The following MGAT4C variants were observed in gnomAD, a reference collection of about 807,000 sequenced individuals.
MGAT4C encodes MGAT4 family member C, also known as alpha-1,3-mannosyl-glycoprotein 4-beta-N-acetylglucosaminyltransferase C.
A neutral mutation model predicts 40.1 loss-of-function variants in MGAT4C; 19 were observed. The observed-to-expected ratio is 0.47, with a 90% CI of 0.33 to 0.70. The LOEUF is 0.70. MGAT4C is among the 30% of genes least tolerant of loss of function. The probability of loss-of-function intolerance (pLI) is 0.02; values close to 1 mark genes in which losing one functional copy is unlikely to be tolerated. For synonymous variants in MGAT4C, 181 were observed against 187.1 expected (o/e 0.97, Z 0.27); for missense variants, 491 against 563.2 (o/e 0.87, Z 1.30).
chr12:86,598,467 T>C (rs1177651962), intron 2 of MGAT4C, among the ~76,000 whole-genome samples: 30 of 152,262 alleles, frequency 2.0e-4, no homozygotes, highest in Non-Finnish European at 1.5e-5. Flanking sequence ...GTATATTTGG[T>C]ATAAATTTAC....
chr12:86,107,867 G>T (rs913269137), intron 1 of MGAT4C, among the ~76,000 whole-genome samples: 3 of 152,020 alleles, frequency 2.0e-5, no homozygotes, highest in Non-Finnish European at 2.9e-5. Flanking sequence ...TGTCTTAAGT[G>T]TCTTTGGATT....
intron 2 of MGAT4C, among the ~76,000 whole-genome samples, chr12:86,603,757 A>C (rs1393665174): frequency 7.8e-6 from 1 of 127,746 alleles, no homozygotes; most frequent in African/African-American, 2.9e-5. Context: ...ATTATATATA[A>C]TATATAGTAT....
At chr12:86,681,607 T>C (rs1949983526) in intron 2 of MGAT4C, among the ~76,000 whole-genome samples, 1 of 152,000 alleles carries the variant, frequency 6.6e-6, no homozygotes, top group Non-Finnish European at 1.5e-5. Flanking sequence ...TTTTCAATCT[T>C]CTAAAGAAAT....
chr12:86,640,155 A>G (rs1261372086), intron 2 of MGAT4C, among the ~76,000 whole-genome samples: 1 of 151,784 alleles, frequency 6.6e-6, no homozygotes, highest in Non-Finnish European at 1.5e-5. Flanking sequence ...GAAATATTTT[A>G]GAATAAAAAC....
intron 1 of MGAT4C, among the ~76,000 whole-genome samples, chr12:86,168,410 A>T (rs1886422442): frequency 6.6e-6 from 1 of 152,206 alleles, no homozygotes. Flanking sequence ...TACCATAATT[A>T]GAAAATTATT....
intron 2 of MGAT4C, among the ~76,000 whole-genome samples, chr12:86,007,538 A>C (rs1214967924): frequency 6.6e-6 from 1 of 152,098 alleles, no homozygotes; most frequent in Non-Finnish European, 1.5e-5. Flanking sequence ...AAACAAGAAT[A>C]AGTTTTCTCT....
At chr12:86,589,739 G>T (rs1242755742) in intron 2 of MGAT4C, among the ~76,000 whole-genome samples, 1 of 151,960 alleles carries the variant, frequency 6.6e-6, no homozygotes, top group African/African-American at 2.4e-5. Context: ...GGGATGCAAG[G>T]CTGGTTCAAT....
At chr12:86,581,245 C>A (rs566422147) in intron 2 of MGAT4C, among the ~76,000 whole-genome samples, 1 of 151,462 alleles carries the variant, frequency 6.6e-6, no homozygotes, top group East Asian at 1.9e-4. Context: ...CTAGCCACTA[C>A]CTTAGTGGTT....
intron 2 of MGAT4C, among the ~76,000 whole-genome samples, chr12:86,574,502 T>C (rs1960487153): frequency 2.0e-5 from 3 of 151,760 alleles, no homozygotes; most frequent in Admixed American, 2.0e-4. Flanking sequence ...ATTATATTAG[T>C]TTTAGTCATT....
chr12:86,759,167 T>C (rs998965412), intron 1 of MGAT4C, among the ~76,000 whole-genome samples: 2 of 152,134 alleles, frequency 1.3e-5, no homozygotes, highest in Non-Finnish European at 2.9e-5. Flanking sequence ...CTTATTTAAT[T>C]TAACATAAAT....
rs1191251279 is a variant in MGAT4C at position 85,973,896 on chromosome 12, TG to T, written c.*5392del. ...TCTCAAACATACATTTCAATTTCAA[TG>T]TTAAAAATAGGATATTAAACATCTC... On this transcript the variant is annotated 3_prime_UTR_variant, in exon 5 of 5. Transcript: ENST00000611864. 1 of 150,926 alleles carries T rather than the reference TG, an allele frequency of 6.6e-6. No individual in the cohort carries two copies. The highest frequency in any genetic ancestry group is 1.5e-5 in the Non-Finnish European group (1 of 67,116). The allele number at this position is 150,926 out of a possible 1,614,324, so 9.3% of individuals were successfully genotyped here. A position where few individuals can be genotyped will look rare whatever the true frequency, so the allele number is the denominator to read the frequency against.
At chr12:86,128,010 T>C (rs566289394) in intron 1 of MGAT4C, among the ~76,000 whole-genome samples, 2 of 152,318 alleles carry the variant, frequency 1.3e-5, no homozygotes, top group East Asian at 3.9e-4. Context: ...AACACAATCG[T>C]TCTTTAGCAT....
intron 1 of MGAT4C, among the ~76,000 whole-genome samples, chr12:86,222,285 C>T (rs140425621): frequency 2.0e-5 from 3 of 152,208 alleles, no homozygotes; most frequent in African/African-American, 7.2e-5. Context: ...TCTCTTTGTG[C>T]AGATAGGAAA....
chr12:85,972,082 G>A lies in MGAT4C; in HGVS notation c.*7207C>T, dbSNP rs1194028156. On this transcript the variant is annotated 3_prime_UTR_variant, in exon 5 of 5. Coordinates refer to ENST00000611864, the MANE Select transcript of MGAT4C (RefSeq NM_001351288.2). ...TACATTACAGACAATTCATATATATGTCTTGAAAATCTTCTTGACAATTTG... is the reference window on the plus strand; with the variant it reads ...TACATTACAGACAATTCATATATATATCTTGAAAATCTTCTTGACAATTTG... 1 of 151,020 alleles carries A rather than the reference G, an allele frequency of 6.6e-6. No homozygotes were observed. Among genetic ancestry groups the A allele is most frequent in the Non-Finnish European group, 1.5e-5 (1 of 67,280 alleles). The allele number at this position is 151,020 out of a possible 1,614,324, so 9.4% of individuals were successfully genotyped here. A position where few individuals can be genotyped will look rare whatever the true frequency, so the allele number is the denominator to read the frequency against.
intron 3 of MGAT4C, among the ~76,000 whole-genome samples, chr12:86,371,296 C>T (rs1592754920): frequency 6.6e-6 from 1 of 151,992 alleles, no homozygotes; most frequent in South Asian, 2.1e-4. Flanking sequence ...TCATTTCCTT[C>T]CCACTCTTTA....
chr12:86,295,236 T>C (rs1229903950), intron 4 of MGAT4C, among the ~76,000 whole-genome samples: 2 of 152,232 alleles, frequency 1.3e-5, no homozygotes, highest in Non-Finnish European at 2.9e-5. Flanking sequence ...AGCCTTAGTA[T>C]TCTCTTAAAA....
chr12:86,608,823 A>G (rs1288403008), intron 2 of MGAT4C, among the ~76,000 whole-genome samples: 1 of 152,176 alleles, frequency 6.6e-6, no homozygotes, highest in Admixed American at 6.6e-5. Context: ...GAAAGAAGAA[A>G]GGCATCACAA....
chr12:86,461,826 G>A (rs976670664), intron 2 of MGAT4C, among the ~76,000 whole-genome samples: 5 of 152,160 alleles, frequency 3.3e-5, no homozygotes, highest in Non-Finnish European at 7.3e-5. Context: ...GAGAAAGTCA[G>A]TTTTGTGCTG....
At chr12:86,492,708 A>C (rs1292443847) in intron 2 of MGAT4C, among the ~76,000 whole-genome samples, 3 of 152,214 alleles carry the variant, frequency 2.0e-5, no homozygotes, top group Non-Finnish European at 2.9e-5. Context: ...AAGAAAACCT[A>C]GGCATTACCA....
Sources: gnomAD v4.1 joint callset for allele counts (sites outside exome capture counted in the v4.1 genomes callset) on GRCh38, gnomAD v4.1.1 for gene constraint, MANE v1.5 for transcripts, NCBI Gene and HGNC (gene_info 2026-07-23, HGNC 2026-07-21) for gene names.